DOK1: variants seen among roughly 807,000 people sequenced by gnomAD.
The protein encoded by DOK1 is Downstream of tyrosine kinase 1.
In DOK1, 12 loss-of-function variants were observed where a neutral mutation model predicts 24.0. That is an observed-to-expected ratio of 0.50 (90% CI 0.32 to 0.81). The LOEUF is 0.81. DOK1 is among the 30% of genes least tolerant of loss of function. DOK1 has a pLI of 0.03. For missense variants in DOK1, 591 were observed against 620.7 expected (o/e 0.95, Z 0.51); for synonymous variants, 250 against 260.9 (o/e 0.96, Z 0.40).
At chr2:74,554,589 T>C (rs984576205), upstream of DOK1, 1 of 635,806 alleles carries the variant, frequency 1.6e-6, no homozygotes, top group Non-Finnish European at 2.7e-6. This position sits in a 1 kb window ranked among gnomAD's most constrained non-coding sequence, Gnocchi z 4.9. Flanking sequence ...AATCCGGGGG[T>C]CTCCACCATT....
chr2:74,550,646 A>G (rs1306747288), upstream of DOK1, among the ~76,000 whole-genome samples: 12 of 152,192 alleles, frequency 7.9e-5, no homozygotes. Flanking sequence ...GATAGCTACA[A>G]TTAATCAGGT....
chr2:74,550,262 A>G (rs1461859213), upstream of DOK1: 2 of 1,614,086 alleles, frequency 1.2e-6, no homozygotes, highest in Admixed American at 1.7e-5. Flanking sequence ...TCGTGCGTAC[A>G]GTCACTGTTC....
At chr2:74,551,250 T>C (rs530108155), upstream of DOK1, among the ~76,000 whole-genome samples, 5 of 152,358 alleles carry the variant, frequency 3.3e-5, no homozygotes, top group African/African-American at 7.2e-5. Context: ...CTGTGGAGTA[T>C]CACTGGCTTC....
chr2:74,555,911 A>ACGGTGCAGAGGACTGAGGC lies in DOK1; in HGVS notation c.475_493dup (p.Ala165GlyfsTer5). The ACGGTGCAGAGGACTGAGGC allele has an allele frequency of 6.2e-7, 1 of 1,606,430 alleles. No individual in the cohort carries two copies. The highest frequency in any genetic ancestry group is 1.1e-5 in the South Asian group (1 of 90,358). On this transcript the variant is annotated frameshift_variant, in exon 4 of 5. Coordinates refer to ENST00000233668, the MANE Select transcript of DOK1 (RefSeq NM_001381.5). LOFTEE classifies it high-confidence loss of function. The surrounding 1 kb of genome is among the most constrained non-coding windows in gnomAD (Gnocchi z 6.1). ...CCTTCCAGGATCCCAATTCTGGGTA[A>ACGGTGCAGAGGACTGAGGC]CGGTGCAGAGGACTGAGGCCGCCGA...
chr2:74,554,711 T>C (rs911465988), upstream of DOK1: 3 of 1,598,706 alleles, frequency 1.9e-6, no homozygotes, highest in Non-Finnish European at 2.6e-6. The surrounding 1 kb of genome is among the most constrained non-coding windows in gnomAD (Gnocchi z 4.9). Flanking sequence ...CCGCCCCGCC[T>C]CCCGCCGCAG....
chr2:74,556,602 G>C lies in DOK1; in HGVS notation c.934G>C (p.Asp312His), dbSNP rs1677488696. Residue 312 changes from aspartate to histidine, a missense_variant, in exon 5 of 5, where the codon GAC becomes CAC. Transcript: ENST00000233668. The surrounding 1 kb of genome is among the most constrained non-coding windows in gnomAD (Gnocchi z 4.1). ...SLRIAPCPSQ[D>H]SLYSDPLDST... ...GCGCATTGCTCCATGCCCTTCCCAG[G>C]ACTCCCTATACTCAGACCCCTTGGA... 1 of 1,614,090 alleles carries C rather than the reference G, an allele frequency of 6.2e-7. No individual in the cohort carries two copies. The highest frequency in any genetic ancestry group is 1.7e-5 in the Admixed American group (1 of 59,994).
In DOK1 at chr2:74,555,408, G is replaced by A. The variant is rs200211828; in HGVS notation, c.315G>A (p.Pro105=). The A allele has an allele frequency of 1.2e-4, 189 of 1,611,092 alleles. No homozygotes were observed. The highest frequency in any genetic ancestry group is 1.5e-4 in the Non-Finnish European group (173 of 1,179,298). Residue 105 remains proline (P), a synonymous_variant, in exon 2 of 5, where the codon CCG becomes CCA. Transcript: ENST00000233668. This position sits in a 1 kb window ranked among gnomAD's most constrained non-coding sequence, Gnocchi z 6.1. The part of the protein sequence containing the change: ...QRSHLLAADA[P]SSAAWVQTLC... ...CGCACCTGCTGGCGGCCGACGCGCC[G>A]TCCAGTGCAGCCTGGGTGCAGACGC...
chr2:74,555,876 A>G lies in DOK1; in HGVS notation c.455-18A>G, dbSNP rs1289348731. On this transcript the variant is annotated intron_variant, in intron 3 of 4. Coordinates refer to ENST00000233668, the MANE Select transcript of DOK1 (RefSeq NM_001381.5). The surrounding 1 kb of genome is among the most constrained non-coding windows in gnomAD (Gnocchi z 6.1). ...CCCGTCCCTCCCCCGCAGCTGTCTA[A>G]TCGTGTATGCCTTCCAGGATCCCAA... 6.3e-7 allele frequency: 1 copy of G among 1,597,196 alleles called. No individual in the cohort carries two copies. Among genetic ancestry groups the G allele is most frequent in the Non-Finnish European group, 8.5e-7 (1 of 1,170,964 alleles).
At chr2:74,550,272 C>A, upstream of DOK1, 1 of 1,614,136 alleles carries the variant, frequency 6.2e-7, no homozygotes, top group Non-Finnish European at 8.5e-7. Flanking sequence ...AGTCACTGTT[C>A]CCCCAGCCCC....
chr2:74,554,730 A>G lies in DOK1; in HGVS notation c.-25A>G, dbSNP rs1677279288. On this transcript the variant is annotated 5_prime_UTR_variant, in exon 1 of 5. Transcript: ENST00000233668. The surrounding 1 kb of genome is among the most constrained non-coding windows in gnomAD (Gnocchi z 4.9). ...CCCGCCTCCCGCCGCAGGGCCAGGA[A>G]GCGCGGAAGGAACCGCCGGGGGCCA... The G allele has an allele frequency of 6.2e-7, 1 of 1,608,712 alleles. No individual in the cohort carries two copies. Among genetic ancestry groups the G allele is most frequent in the Non-Finnish European group, 8.5e-7 (1 of 1,177,064 alleles).
Position 74,556,004 on chromosome 2 carries a change from G to A in DOK1, c.565G>A (p.Gly189Arg), listed in dbSNP as rs1677433590. ...TGAAAGGCTGACTCTCCTGACCGTG[G>A]GGGCCCAGAGTCAGATACTGGAGCC... ...EAERLTLLTVGAQSQILEPLL... is the reference protein window; with the variant it reads ...EAERLTLLTVRAQSQILEPLL... Residue 189 changes from glycine to arginine, a missense_variant, in exon 4 of 5, where the codon GGG becomes AGG. Coordinates refer to ENST00000233668, the MANE Select transcript of DOK1 (RefSeq NM_001381.5). The surrounding 1 kb of genome is among the most constrained non-coding windows in gnomAD (Gnocchi z 4.1). 1 of 1,613,844 alleles carries A rather than the reference G, an allele frequency of 6.2e-7. No individual in the cohort carries two copies. Among genetic ancestry groups the A allele is most frequent in the African/African-American group, 1.3e-5 (1 of 75,028 alleles).
rs770477611 is a variant in DOK1 at position 74,556,325 on chromosome 2, G to T, written c.657G>T (p.Glu219Asp). Residue 219 changes from glutamate to aspartate, a missense_variant, in exon 5 of 5, where the codon GAG becomes GAT. Glu to Asp is a conservative substitution (Grantham distance 45). Transcript: ENST00000233668. This position sits in a 1 kb window ranked among gnomAD's most constrained non-coding sequence, Gnocchi z 4.1. Reference sequence around the variant, plus strand: ...CTCCTTAGGTCATGTTCTCTTTCGAGGCCGGCCGCCGCTGCCCCTCAGGCC... The same window carrying T: ...CTCCTTAGGTCATGTTCTCTTTCGATGCCGGCCGCCGCTGCCCCTCAGGCC... ...YGRDKVMFSF[E>D]AGRRCPSGPG... The T allele has an allele frequency of 2.5e-6, 4 of 1,612,504 alleles. No homozygotes were observed. The highest frequency in any genetic ancestry group is 3.4e-6 in the Non-Finnish European group (4 of 1,179,296).
At chr2:74,554,105 G>A, upstream of DOK1, 1 of 151,838 alleles carries the variant, frequency 6.6e-6, no homozygotes, top group Non-Finnish European at 1.5e-5. This position sits in a 1 kb window ranked among gnomAD's most constrained non-coding sequence, Gnocchi z 4.9. Flanking sequence ...CTCCCTCCCC[G>A]TGGAGCTGGC....
chr2:74,552,779 G>GA, upstream of DOK1: 1 of 779,160 alleles, frequency 1.3e-6, no homozygotes, highest in Non-Finnish European at 2.0e-6. Context: ...CAACAGGAGA[G>GA]AAAGAGCCCC....
At chr2:74,552,422 A>G, upstream of DOK1, 2 of 1,613,872 alleles carry the variant, frequency 1.2e-6, no homozygotes, top group African/African-American at 1.3e-5. Context: ...TGAAGTCATC[A>G]TCGCAGATGG....
At chr2:74,551,226 GC>G (rs1676989741), upstream of DOK1, among the ~76,000 whole-genome samples, 1 of 152,246 alleles carries the variant, frequency 6.6e-6, no homozygotes, top group African/African-American at 2.4e-5. Context: ...GAGCCACTGA[GC>G]CCGGCCTGAA....
Position 74,549,432 on chromosome 2 carries a change from CTGT to C in DOK1, c.-358+264_-358+266del, listed in dbSNP as rs1676846236. ...GCCCAGCATCCCGCAGACCACGTGG[CTGT>C]TGTGGGCGCTCCAGCCTTTGTCGCA... On this transcript the variant is annotated intron_variant, in intron 1 of 4. Transcript: ENST00000409429. The surrounding 1 kb of genome is among the most constrained non-coding windows in gnomAD (Gnocchi z 5.3). 2 of 1,613,072 alleles carry C rather than the reference CTGT, an allele frequency of 1.2e-6. No homozygotes were observed. Among genetic ancestry groups the C allele is most frequent in the African/African-American group, 2.7e-5 (2 of 74,938 alleles).
chr2:74,552,278 C>T (rs955595690), upstream of DOK1: 1 of 1,549,852 alleles, frequency 6.5e-7, no homozygotes, highest in Non-Finnish European at 8.8e-7. Context: ...TGCACTTTGG[C>T]CACACATAGG....
Position 74,557,246 on chromosome 2 carries a change from G to A in DOK1, c.*132G>A. On this transcript the variant is annotated 3_prime_UTR_variant, in exon 5 of 5. Coordinates refer to ENST00000233668, the MANE Select transcript of DOK1 (RefSeq NM_001381.5). ...GCTGTGTGAGACCAGGGGACCAGAG[G>A]GATGGGAGAGTCAAGGGAAGGACAA... 1 of 916,612 alleles carries A rather than the reference G, an allele frequency of 1.1e-6. No homozygotes were observed. Among genetic ancestry groups the A allele is most frequent in the South Asian group, 1.8e-5 (1 of 54,482 alleles). 56.8% of individuals were successfully genotyped at this position (916,612 alleles called of 1,614,324 possible).
Sources: allele counts gnomAD v4.1 joint callset (sites outside exome capture counted in the v4.1 genomes callset), GRCh38; gene constraint gnomAD v4.1.1; non-coding constraint Gnocchi (gnomAD v3.1); transcripts MANE v1.5; gene names NCBI Gene and HGNC (gene_info 2026-07-23, HGNC 2026-07-21).